SULT2B1: variants seen among roughly 807,000 people sequenced by gnomAD.
The protein encoded by SULT2B1 is sulfotransferase family 2B member 1.
In SULT2B1, 16 loss-of-function variants were observed where a neutral mutation model predicts 33.2. That is an observed-to-expected ratio of 0.48 (90% CI 0.33 to 0.73). SULT2B1 has a LOEUF of 0.73. Among genes scored for constraint, SULT2B1 ranks in the 30% least tolerant of loss-of-function variants. The pLI, the probability that SULT2B1 is intolerant of heterozygous loss-of-function variation, is 0.02. For synonymous variants in SULT2B1, 186 were observed against 200.5 expected (o/e 0.93, Z 0.61); for missense variants, 500 against 506.0 (o/e 0.99, Z 0.11).
In SULT2B1 at chr19:48,591,762, A is replaced by AG. The variant is rs1032634247; in HGVS notation, c.550+31dup. 4 of 1,392,024 alleles carry AG rather than the reference A, an allele frequency of 2.9e-6. No individual in the cohort carries two copies. In the African/African-American group the frequency reaches 4.4e-5, roughly 15 times the overall value. 86.2% of individuals were successfully genotyped at this position (1,392,024 alleles called of 1,614,324 possible). A position where few individuals can be genotyped will look rare whatever the true frequency, so the allele number is the denominator to read the frequency against. The stretch of plus-strand genomic sequence containing the variant: ...TGGGGACAGGGTAAAGCGGGGCAGG[A>AG]GGGGTGGGGAGGAGCCCCAGAGGAC... On this transcript the variant is annotated intron_variant, in intron 4 of 6. Coordinates refer to ENST00000201586, the MANE Select transcript of SULT2B1 (RefSeq NM_177973.2).
chr19:48,589,787 C>T (rs1253097265), intron 3 of SULT2B1, among the ~76,000 whole-genome samples: 1 of 152,098 alleles, frequency 6.6e-6, no homozygotes, highest in East Asian at 1.9e-4. Context: ...TAGAAACACC[C>T]ATCTCTACAA....
chr19:48,555,585 T>TCTCC (rs1973089002), intron 1 of SULT2B1, among the ~76,000 whole-genome samples: 1 of 142,786 alleles, frequency 7.0e-6, no homozygotes, highest in South Asian at 2.2e-4. Context: ...TCTCTCTCTC[T>TCTCC]CTCTTTTGAG....
intron 1 of SULT2B1, among the ~76,000 whole-genome samples, chr19:48,558,609 G>A (rs1973134487): frequency 2.0e-5 from 3 of 151,818 alleles, no homozygotes; most frequent in Admixed American, 1.3e-4. Flanking sequence ...GGAGGGCTGA[G>A]CCACATGAAT....
chr19:48,576,184 G>A, intron 2 of SULT2B1, 101 bp downstream of exon 2: 1 of 1,134,068 alleles, frequency 8.8e-7, no homozygotes, highest in Non-Finnish European at 1.3e-6. Flanking sequence ...GAGGAAAAGT[G>A]GGGCCGGGTC....
At chr19:48,576,275 C>A (rs2665590) in intron 2 of SULT2B1, among the ~76,000 whole-genome samples, 192 bp downstream of exon 2, 1 of 151,614 alleles carries the variant, frequency 6.6e-6, no homozygotes, top group South Asian at 2.1e-4. Context: ...CAGGTCAGTT[C>A]TCAACACTTC....
At position 48,567,541 on chromosome 19, in the gene SULT2B1, C is replaced by G. The variant is rs559546532; in HGVS notation, c.72-8400C>G. Among the ~76,000 whole-genome samples the G allele has an allele frequency of 2.6e-5, 4 of 152,180 alleles. No homozygotes were observed. The East Asian group carries it at 7.7e-4, about 29-fold the overall frequency. On this transcript the variant is annotated intron_variant, in intron 1 of 6. Transcript: ENST00000201586. ...CATGCCTGGGCGACAGAGCGAGACT[C>G]TGTCTCAACAACAACAAAAAAAGAA... is the stretch of plus-strand genomic sequence containing the variant.
chr19:48,572,580 G>A (rs1477467134), intron 1 of SULT2B1, among the ~76,000 whole-genome samples: 5 of 152,042 alleles, frequency 3.3e-5, no homozygotes, highest in Non-Finnish European at 5.9e-5. Flanking sequence ...GATGGGAAAG[G>A]CACTCAGAGA....
intron 1 of SULT2B1, among the ~76,000 whole-genome samples, chr19:48,571,825 G>C (rs2665577): frequency 0.65 from 97,987 of 151,564 alleles, 32,459 homozygotes; most frequent in African/African-American, 0.75. Context: ...ACAGGATGCT[G>C]TAGGGTAGCC....
At chr19:48,567,031 G>T (rs1162627690) in intron 1 of SULT2B1, among the ~76,000 whole-genome samples, 1 of 152,010 alleles carries the variant, frequency 6.6e-6, no homozygotes, top group Non-Finnish European at 1.5e-5. Context: ...AGGGAGAGAT[G>T]CAGAGATGCA....
intron 5 of SULT2B1, chr19:48,596,456 C>T (rs1194793349): frequency 4.5e-6 from 1 of 224,066 alleles, no homozygotes; most frequent in Non-Finnish European, 8.2e-6. Flanking sequence ...CTGCCCCCGG[C>T]TGTGACCTCT....
intron 1 of SULT2B1, among the ~76,000 whole-genome samples, chr19:48,571,381 G>C (rs1036139983): frequency 6.6e-6 from 1 of 151,308 alleles, no homozygotes; most frequent in Admixed American, 6.6e-5. Flanking sequence ...ATTTTTAGTA[G>C]AGATGGGGTT....
intron 1 of SULT2B1, among the ~76,000 whole-genome samples, chr19:48,560,883 A>G (rs1252576293): frequency 6.6e-6 from 1 of 151,294 alleles, no homozygotes; most frequent in African/African-American, 2.4e-5. Flanking sequence ...TATCATTTGA[A>G]CCCGGGAGGC....
intron 1 of SULT2B1, among the ~76,000 whole-genome samples, chr19:48,561,654 G>A (rs529807367): frequency 3.3e-5 from 5 of 152,064 alleles, no homozygotes; most frequent in African/African-American, 9.7e-5. Context: ...CAGTGAGAAC[G>A]GAACACTGGC....
chr19:48,552,379 G>C lies in SULT2B1; in HGVS notation c.71+56G>C. 6.3e-7 allele frequency: 1 copy of C among 1,583,242 alleles called. No homozygotes were observed. Among genetic ancestry groups the C allele is most frequent in the Non-Finnish European group, 8.6e-7 (1 of 1,160,000 alleles). On this transcript the variant is annotated intron_variant, in intron 1 of 6. Coordinates refer to ENST00000201586, the MANE Select transcript of SULT2B1 (RefSeq NM_177973.2). This position sits in a 1 kb window ranked among gnomAD's most constrained non-coding sequence, Gnocchi z 4.8. Reference sequence around the variant, plus strand: ...GATCCCAGGGAGGAGGTGGCTGTTTGGGGGAGCCGGGGACTGTGGCAAGGG... The same window carrying C: ...GATCCCAGGGAGGAGGTGGCTGTTTCGGGGAGCCGGGGACTGTGGCAAGGG...
intron 5 of SULT2B1, among the ~76,000 whole-genome samples, chr19:48,595,270 G>A (rs1367615836): frequency 6.9e-5 from 7 of 101,802 alleles, no homozygotes; most frequent in Non-Finnish European, 1.2e-4. Flanking sequence ...CAAAAAGAGC[G>A]AAACTCCGTC....
At position 48,596,811 on chromosome 19, in the gene SULT2B1, G is replaced by A. The variant is rs2302947; in HGVS notation, c.718G>A (p.Val240Ile). Residue 240 changes from valine to isoleucine, a missense_variant, in exon 6 of 7, where the codon GTC (valine) becomes ATC (isoleucine). By Grantham distance (29) the Val-to-Ile change is conservative (BLOSUM62 3). Coordinates refer to ENST00000201586, the MANE Select transcript of SULT2B1 (RefSeq NM_177973.2). ...GCTGGGCAAGGAGGCACTGGGCTCCGTCGTGGCACACTCAACCTTCAGCGC... is the reference window on the plus strand; with the variant it reads ...GCTGGGCAAGGAGGCACTGGGCTCCATCGTGGCACACTCAACCTTCAGCGC... ...RPLGKEALGS[V>I]VAHSTFSAMK... is the part of the protein sequence containing the mutation. The A allele has an allele frequency of 2.5e-4, 400 of 1,609,850 alleles. 1 individual carries two copies. In the East Asian group the frequency reaches 7.6e-3, roughly 31 times the overall value.
In SULT2B1 at chr19:48,560,130, G is replaced by A. The variant is rs548568300; in HGVS notation, c.71+7807G>A. Among the ~76,000 whole-genome samples the A allele has an allele frequency of 4.9e-4, 75 of 152,206 alleles. 2 individuals are homozygous for A. In the South Asian group the frequency reaches 0.011, roughly 22 times the overall value. Reference sequence around the variant, plus strand: ...AATGACCGGGGAAGGGCCTGACCTGGGCTCGCAGCTGACTCAGCATTTGTG... The same window carrying A: ...AATGACCGGGGAAGGGCCTGACCTGAGCTCGCAGCTGACTCAGCATTTGTG... On this transcript the variant is annotated intron_variant, in intron 1 of 6. Transcript: ENST00000201586.
In SULT2B1 at chr19:48,552,817, G is replaced by T. The variant is rs1009005368; in HGVS notation, c.71+494G>T. On this transcript the variant is annotated intron_variant, in intron 1 of 6. Coordinates refer to ENST00000201586, the MANE Select transcript of SULT2B1 (RefSeq NM_177973.2). This position sits in a 1 kb window ranked among gnomAD's most constrained non-coding sequence, Gnocchi z 4.8. ...GTTCTAGGGCACTTGGGGCGGAGAG[G>T]GCAGGCTCTGGACTCTTCAGGTCTC... is the stretch of plus-strand genomic sequence containing the variant. 1.3e-5 allele frequency among the ~76,000 whole-genome samples: 2 copies of T among 152,074 alleles called. No individual in the cohort carries two copies. Among genetic ancestry groups the T allele is most frequent in the Non-Finnish European group, 2.9e-5 (2 of 68,014 alleles).
chr19:48,561,547 G>GA (rs36088037), intron 1 of SULT2B1, among the ~76,000 whole-genome samples: 3 of 151,842 alleles, frequency 2.0e-5, no homozygotes, highest in Non-Finnish European at 4.4e-5. Flanking sequence ...AAGGAGGAGA[G>GA]AAAAAAAGTG....
Sources: gnomAD v4.1 joint callset for allele counts (sites outside exome capture counted in the v4.1 genomes callset) on GRCh38, gnomAD v4.1.1 for gene constraint, Gnocchi (gnomAD v3.1) non-coding constraint, MANE v1.5 for transcripts, NCBI Gene and HGNC (gene_info 2026-07-23, HGNC 2026-07-21) for gene names.